The following NCKAP5 variants were observed in gnomAD, a reference collection of about 807,000 sequenced individuals.
The protein encoded by NCKAP5 is NCK associated protein 5, also known as nck-associated protein 5.
A neutral mutation model predicts 167.0 loss-of-function variants in NCKAP5; 92 were observed. That is an observed-to-expected ratio of 0.55 (90% confidence interval 0.47 to 0.66). The LOEUF is 0.66. NCKAP5 is among the 30% of genes least tolerant of loss of function. NCKAP5 has a pLI of 0.00. For synonymous variants in NCKAP5, 891 were observed against 877.4 expected (o/e 1.02, Z -0.27); for missense variants, 2,378 against 2,315.0 (o/e 1.03, Z -0.56).
At chr2:132,956,388 G>A (rs1249553629) in intron 8 of NCKAP5, among the ~76,000 whole-genome samples, 3 of 152,226 alleles carry the variant, frequency 2.0e-5, no homozygotes, top group South Asian at 2.1e-4. Context: ...AATACAGATG[G>A]TCAGTTTCCA....
chr2:132,878,494 C>A (rs1215425835), intron 9 of NCKAP5, among the ~76,000 whole-genome samples: 1 of 152,040 alleles, frequency 6.6e-6, no homozygotes, highest in Non-Finnish European at 1.5e-5. Context: ...TGGAAGGGAT[C>A]ACACTTATTG....
chr2:133,130,095 T>C lies in NCKAP5; in HGVS notation c.224A>G (p.His75Arg), dbSNP rs761982176. 6.2e-7 allele frequency: 1 copy of C among 1,609,964 alleles called. No homozygotes were observed. The highest frequency in any genetic ancestry group is 8.5e-7 in the Non-Finnish European group (1 of 1,178,810). Residue 75 changes from histidine to arginine, a missense_variant, in exon 6 of 20, where the codon CAT becomes CGT. Around this residue, in one of 3 missense-constraint regions of NCKAP5, gnomAD observed 1,049 missense variants for 1,023.4 expected, o/e 1.02. Transcript: ENST00000409261. ...TAAGTGTCTCTCCTCTTCCAGTTCATGTATCAGCTTCTCATGCTATAAAAG... is the reference window on the plus strand; with the variant it reads ...TAAGTGTCTCTCCTCTTCCAGTTCACGTATCAGCTTCTCATGCTATAAAAG... ...SEGAMHEKLI[H>R]ELEEERHLRL...
chr2:133,238,526 G>A (rs1402235330), intron 4 of NCKAP5, among the ~76,000 whole-genome samples: 2 of 152,138 alleles, frequency 1.3e-5, no homozygotes, highest in Admixed American at 6.5e-5. Flanking sequence ...AGGCACCGTT[G>A]TTTTTGCTTA....
intron 5 of NCKAP5, among the ~76,000 whole-genome samples, chr2:133,196,852 T>C (rs1406631720): frequency 6.6e-6 from 1 of 152,154 alleles, no homozygotes; most frequent in Non-Finnish European, 1.5e-5. Context: ...TCTTGTTCCC[T>C]AGCCCCAGAA....
At chr2:133,651,385 C>A in the NCKAP5 span, among the ~76,000 whole-genome samples, 1 of 152,036 alleles carries the variant, frequency 6.6e-6, no homozygotes, top group African/African-American at 2.4e-5. Context: ...ATACACATGG[C>A]CATGAGGTAT....
At chr2:133,662,744 T>G in the NCKAP5 span, among the ~76,000 whole-genome samples, 23,877 of 150,584 alleles carry the variant, frequency 0.16, 4,041 homozygotes, top group African/African-American at 0.4. Flanking sequence ...AATAATTTGG[T>G]TATGGCTATA....
At position 133,337,286 on chromosome 2, in the gene NCKAP5, G is replaced by A. The variant is rs757374319; in HGVS notation, c.70-34176C>T. Among the ~76,000 whole-genome samples the A allele has an allele frequency of 1.3e-4, 20 of 152,270 alleles. No individual in the cohort carries two copies. The East Asian group carries it at 1.9e-3, about 15-fold the overall frequency. ...AAACTTTTCTGGCCTTGGAGTCCTC[G>A]TTAGCTTGAGATTTCTCATGTCCTT... On this transcript the variant is annotated intron_variant, in intron 3 of 19. Transcript: ENST00000409261.
chr2:133,007,646 G>T (rs919685343), intron 6 of NCKAP5, among the ~76,000 whole-genome samples: 1 of 152,054 alleles, frequency 6.6e-6, no homozygotes, highest in African/African-American at 2.4e-5. Context: ...CATGGGTAGG[G>T]GGTCTATGTC....
At chr2:133,442,287 G>A (rs937437354) in intron 3 of NCKAP5, among the ~76,000 whole-genome samples, 3 of 152,266 alleles carry the variant, frequency 2.0e-5, no homozygotes, top group Non-Finnish European at 1.5e-5. Context: ...ACAGAGCTAT[G>A]CACATAGGAG....
At chr2:133,187,448 T>C (rs1280135374) in intron 5 of NCKAP5, among the ~76,000 whole-genome samples, 1 of 152,072 alleles carries the variant, frequency 6.6e-6, no homozygotes, top group African/African-American at 2.4e-5. Flanking sequence ...CCAGCTACTT[T>C]GGAAGCTATA....
intron 10 of NCKAP5, among the ~76,000 whole-genome samples, chr2:132,863,423 A>G (rs1690090717): frequency 6.7e-6 from 1 of 150,336 alleles, no homozygotes; most frequent in Non-Finnish European, 1.5e-5. Flanking sequence ...AACTGAGAAT[A>G]CCTTGAAAGA....
chr2:133,360,117 C>A lies in NCKAP5; in HGVS notation c.70-57007G>T, dbSNP rs77720574. 6.0e-3 allele frequency among the ~76,000 whole-genome samples: 918 copies of A among 152,298 alleles called. 5 individuals are homozygous for A. The highest frequency in any genetic ancestry group is 1.0e-2 in the Non-Finnish European group (677 of 68,032). ...ATATCATGAGACAATGCACATGAAT[C>A]TCTCCTTTAGCCCCCAGGTCAGCAA... On this transcript the variant is annotated intron_variant, in intron 3 of 19. Transcript: ENST00000409261.
chr2:132,914,771 T>C (rs1432452215), intron 8 of NCKAP5, among the ~76,000 whole-genome samples: 1 of 151,998 alleles, frequency 6.6e-6, no homozygotes, highest in Non-Finnish European at 1.5e-5. Context: ...GTAAATCTGA[T>C]GGGTCACTGA....
At chr2:133,546,592 G>A (rs1686699183) in intron 2 of NCKAP5, among the ~76,000 whole-genome samples, 1 of 152,170 alleles carries the variant, frequency 6.6e-6, no homozygotes. Context: ...GCAGAGGGCA[G>A]TGCTCAATGA....
chr2:133,205,666 G>T (rs1356003142), intron 5 of NCKAP5, among the ~76,000 whole-genome samples: 3 of 152,092 alleles, frequency 2.0e-5, no homozygotes, highest in South Asian at 4.2e-4. Context: ...ACCTTCTTGG[G>T]ATTCTCATTA....
rs1441420203 is a variant in NCKAP5 at position 132,729,105 on chromosome 2, G to C, written c.5444-153C>G. On this transcript the variant is annotated intron_variant, in intron 17 of 19. Coordinates refer to ENST00000409261, the MANE Select transcript of NCKAP5 (RefSeq NM_207363.3). ...CTGCCACTCTGTCCCACTGTAGTCT[G>C]TGCTGCCCAAAACATCTGCTTAATT... 2.6e-5 allele frequency among the ~76,000 whole-genome samples: 4 copies of C among 152,302 alleles called. No homozygotes were observed. The East Asian group carries it at 7.7e-4, about 29-fold the overall frequency.
chr2:133,571,560 T>C (rs113740415), upstream of NCKAP5, among the ~76,000 whole-genome samples: 110 of 152,296 alleles, frequency 7.2e-4, no homozygotes, highest in African/African-American at 2.5e-3. Flanking sequence ...CAGGCACATA[T>C]ATGGCTATTT....
intron 11 of NCKAP5, among the ~76,000 whole-genome samples, chr2:132,797,208 T>C (rs1684677707): frequency 6.6e-6 from 1 of 152,228 alleles, no homozygotes; most frequent in African/African-American, 2.4e-5. Context: ...TGGACACGTT[T>C]TAACTCAAAG....
At chr2:133,003,868 A>C (rs2077869965) in intron 6 of NCKAP5, among the ~76,000 whole-genome samples, 1 of 152,214 alleles carries the variant, frequency 6.6e-6, no homozygotes, top group Non-Finnish European at 1.5e-5. Flanking sequence ...TGTGAAGAGA[A>C]AGTGACATAA....
Sources: allele counts gnomAD v4.1 joint callset (sites outside exome capture counted in the v4.1 genomes callset), GRCh38; gene constraint gnomAD v4.1.1; regional missense constraint gnomAD v4.1.1; transcripts MANE v1.5; gene names NCBI Gene and HGNC (gene_info 2026-07-23, HGNC 2026-07-21).